ALLC: variants seen among roughly 807,000 people sequenced by gnomAD.
ALLC encodes probable inactive allantoicase.
In ALLC, 40 loss-of-function variants were observed where a neutral mutation model predicts 45.0. The observed-to-expected ratio is 0.89, with a 90% CI of 0.69 to 1.16. ALLC has a LOEUF of 1.16. ALLC is among the 50% of genes most tolerant of loss of function. The probability of loss-of-function intolerance (pLI) is 0.00; values close to 1 mark genes in which losing one functional copy is unlikely to be tolerated. For synonymous variants in ALLC, 176 were observed against 178.1 expected, an observed-to-expected ratio of 0.99 and a Z score of 0.09; for missense variants, 488 against 493.1, an observed-to-expected ratio of 0.99 and a Z score of 0.10.
In ALLC at chr2:3,683,079, T is replaced by C. The variant is rs983279523; in HGVS notation, c.511+5T>C. The C allele has an allele frequency of 1.2e-6, 2 of 1,612,842 alleles. No individual in the cohort carries two copies. Among genetic ancestry groups the C allele is most frequent in the African/African-American group, 2.7e-5 (2 of 74,906 alleles). On this transcript the variant is annotated splice_donor_5th_base_variant and intron_variant, in intron 7 of 11. Coordinates refer to ENST00000252505, the MANE Select transcript of ALLC (RefSeq NM_018436.4). ...TCAGACTCAACATTTTCCCAGGTAA[T>C]CGTGACATGGACTTATCACCAGTTC...
At chr2:3,651,435 GTGTGTGT>G in the ALLC span, among the ~76,000 whole-genome samples, 9 of 61,304 alleles carry the variant, frequency 1.5e-4, 2 homozygotes, top group Admixed American at 2.3e-4. Context: ...GTGTGTGTGT[GTGTGTGT>G]TAGGAAGGGA....
chr2:3,668,096 G>A (rs1666774848), intron 1 of ALLC, among the ~76,000 whole-genome samples: 1 of 152,196 alleles, frequency 6.6e-6, no homozygotes, highest in Non-Finnish European at 1.5e-5. Flanking sequence ...GCAGTGACAT[G>A]TATGCTCATA....
upstream of ALLC, among the ~76,000 whole-genome samples, chr2:3,657,343 T>C (rs374474053): frequency 7.9e-5 from 12 of 152,306 alleles, no homozygotes; most frequent in African/African-American, 2.9e-4. Context: ...GGTCAGGCCC[T>C]GGGGAAAGAA....
At chr2:3,700,775 AC>A (rs1436653580) in intron 10 of ALLC, among the ~76,000 whole-genome samples, 3 of 152,130 alleles carry the variant, frequency 2.0e-5, no homozygotes, top group Admixed American at 1.3e-4. Flanking sequence ...ATGTTCGCCC[AC>A]CCTGGAGACT....
chr2:3,659,804 C>T (rs34759180), intron 1 of ALLC, among the ~76,000 whole-genome samples: 23,031 of 152,264 alleles, frequency 0.15, 1,888 homozygotes, highest in Middle Eastern at 0.17. Flanking sequence ...CCACGGGGCC[C>T]TGCACAGCAC....
chr2:3,687,151 G>C (rs1667352454), intron 7 of ALLC, among the ~76,000 whole-genome samples: 1 of 150,650 alleles, frequency 6.6e-6, no homozygotes. Context: ...TTATCATGAA[G>C]TGACGTTAAA....
chr2:3,687,451 T>C (rs957147501), intron 7 of ALLC, among the ~76,000 whole-genome samples: 1 of 150,994 alleles, frequency 6.6e-6, no homozygotes, highest in Non-Finnish European at 1.5e-5. Flanking sequence ...ATACTGGCCT[T>C]GTAGAATGAG....
At chr2:3,699,575 CACA>C (rs1208003879) in intron 10 of ALLC, among the ~76,000 whole-genome samples, 1 of 152,186 alleles carries the variant, frequency 6.6e-6, no homozygotes, top group Non-Finnish European at 1.5e-5. Context: ...GAGGAATCGC[CACA>C]ACACTTTCCA....
chr2:3,669,810 C>T (rs1023288665), intron 1 of ALLC, among the ~76,000 whole-genome samples: 4 of 152,126 alleles, frequency 2.6e-5, no homozygotes, highest in South Asian at 2.1e-4. Flanking sequence ...AGGTGGGAGG[C>T]TGCGATGGGG....
the ALLC span, among the ~76,000 whole-genome samples, chr2:3,652,309 T>G: frequency 6.6e-6 from 1 of 152,280 alleles, no homozygotes; most frequent in African/African-American, 2.4e-5. Flanking sequence ...GGGGCCGGTC[T>G]GTCTGGTACC....
At chr2:3,649,584 C>A in the ALLC span, among the ~76,000 whole-genome samples, 3 of 152,370 alleles carry the variant, frequency 2.0e-5, no homozygotes, top group East Asian at 1.9e-4. Context: ...ATGTGGTTTA[C>A]ACATACATTT....
At position 3,679,881 on chromosome 2, in the gene ALLC, G is replaced by C. The variant is rs1405182050; in HGVS notation, c.185G>C (p.Cys62Ser). ...RRKRIPGHDW[C>S]VLRLGIQGVI... ...CTGTGTTGCGCAGGTCACGACTGGT[G>C]TGTCCTCAGGCTGGGGATCCAAGGA... Residue 62 changes from cysteine (C) to serine (S), a missense_variant, in exon 5 of 12, where the codon TGT becomes TCT. Physicochemically the swap from Cys to Ser is moderately radical, Grantham distance 112. Coordinates refer to ENST00000252505, the MANE Select transcript of ALLC (RefSeq NM_018436.4). The C allele has an allele frequency of 3.1e-6, 5 of 1,613,842 alleles. No homozygotes were observed. The African/African-American group carries it at 5.3e-5, about 17-fold the overall frequency.
chr2:3,679,949 G>A lies in ALLC; in HGVS notation c.253G>A (p.Asp85Asn). 6.2e-7 allele frequency: 1 copy of A among 1,613,990 alleles called. No individual in the cohort carries two copies. Among genetic ancestry groups the A allele is most frequent in the African/African-American group, 1.3e-5 (1 of 75,034 alleles). ...CGTGGACGTTTCTTACTTCACGGGA[G>A]ATTACGCTCCTCGAGTGTCCATTCA... ...FDVDVSYFTG[D>N]YAPRVSIQAA... The change falls in exon 5 of 12, where the codon GAT (aspartate) becomes AAT (asparagine). Residue 85 changes from aspartate to asparagine, a missense_variant. Physicochemically the swap from Asp to Asn is conservative, Grantham distance 23 (BLOSUM62 1). Coordinates refer to ENST00000252505, the MANE Select transcript of ALLC (RefSeq NM_018436.4).
intron 10 of ALLC, among the ~76,000 whole-genome samples, 167 bp downstream of exon 10, chr2:3,697,623 C>T (rs776513256): frequency 3.2e-5 from 3 of 92,444 alleles, no homozygotes; most frequent in Middle Eastern, 5.2e-3. Flanking sequence ...GTCTGTCTGT[C>T]TATCTATCTA....
At chr2:3,648,396 C>T in the ALLC span, among the ~76,000 whole-genome samples, 1 of 152,100 alleles carries the variant, frequency 6.6e-6, no homozygotes, top group Non-Finnish European at 1.5e-5. Flanking sequence ...GCAAAGCTCT[C>T]GTGCACACAT....
chr2:3,691,778 T>C (rs1667524406), intron 7 of ALLC, among the ~76,000 whole-genome samples: 1 of 152,216 alleles, frequency 6.6e-6, no homozygotes, highest in African/African-American at 2.4e-5. Context: ...GGTAATATTT[T>C]ATATCTTGTA....
chr2:3,647,064 C>T, the ALLC span, among the ~76,000 whole-genome samples: 1 of 152,138 alleles, frequency 6.6e-6, no homozygotes. Flanking sequence ...TCAGCCCCCG[C>T]ACCCCTCATC....
chr2:3,660,489 T>G (rs541567705), intron 1 of ALLC, among the ~76,000 whole-genome samples: 1 of 152,174 alleles, frequency 6.6e-6, no homozygotes, highest in Non-Finnish European at 1.5e-5. Flanking sequence ...CCTTTACTGT[T>G]ATTATAAATA....
upstream of ALLC, among the ~76,000 whole-genome samples, chr2:3,654,264 A>G (rs1223478595): frequency 6.6e-6 from 1 of 152,252 alleles, no homozygotes; most frequent in Non-Finnish European, 1.5e-5. Flanking sequence ...CTGCAAAGTC[A>G]CATTGTAAAG....
Sources: gnomAD v4.1 joint callset for allele counts (sites outside exome capture counted in the v4.1 genomes callset) on GRCh38, gnomAD v4.1.1 for gene constraint, MANE v1.5 for transcripts, NCBI Gene and HGNC (gene_info 2026-07-23, HGNC 2026-07-21) for gene names.